WWOX: variants seen among roughly 807,000 people sequenced by gnomAD.
WWOX encodes WW domain containing oxidoreductase.
A neutral mutation model predicts 46.2 loss-of-function variants in WWOX; 69 were observed. The ratio of observed to expected loss-of-function variants is 1.49; its 90% CI spans 1.23 to 1.82. The LOEUF is 1.82. Among genes scored for constraint, WWOX ranks in the 40% most tolerant of loss-of-function variants. The pLI is 0.00. For missense variants in WWOX, 919 were observed against 542.6 expected (o/e 1.69, Z -6.89); for synonymous variants, 359 against 202.6 (o/e 1.77, Z -6.56).
At chr16:78,566,865 G>C (rs2044581571) in intron 8 of WWOX, among the ~76,000 whole-genome samples, 1 of 152,168 alleles carries the variant, frequency 6.6e-6, no homozygotes, top group East Asian at 1.9e-4. Flanking sequence ...TCAGTTCAGA[G>C]TTGAAAGAAT....
intron 8 of WWOX, among the ~76,000 whole-genome samples, chr16:78,921,427 G>A (rs1413846738): frequency 6.6e-6 from 1 of 152,206 alleles, no homozygotes; most frequent in Non-Finnish European, 1.5e-5. Context: ...ATAGAATCCT[G>A]AAGCATTTGA....
At chr16:78,200,960 A>T (rs968015277) in intron 5 of WWOX, among the ~76,000 whole-genome samples, 3 of 152,156 alleles carry the variant, frequency 2.0e-5, no homozygotes, top group African/African-American at 4.8e-5. Flanking sequence ...AAAGGTAAAC[A>T]TTTACTTCTG....
intron 5 of WWOX, among the ~76,000 whole-genome samples, chr16:78,352,039 G>C (rs2081195799): frequency 6.6e-6 from 1 of 152,140 alleles, no homozygotes; most frequent in Admixed American, 6.5e-5. Context: ...CAGAGCTTTG[G>C]AGTCAGCGAG....
In WWOX at chr16:78,524,846, G is replaced by A. The variant is rs12448491; in HGVS notation, c.1056+92094G>A. On this transcript the variant is annotated intron_variant, in intron 8 of 8. Coordinates refer to ENST00000566780, the MANE Select transcript of WWOX (RefSeq NM_016373.4). Reference sequence around the variant, plus strand: ...TTTTTTTTTTTTTTTTAAAGAATGCGTTGATTTTGTTTTTCTTTCTTTTTT... The same window carrying A: ...TTTTTTTTTTTTTTTTAAAGAATGCATTGATTTTGTTTTTCTTTCTTTTTT... 5.1e-3 allele frequency among the ~76,000 whole-genome samples: 665 copies of A among 130,328 alleles called. 2 individuals are homozygous for A. The highest frequency in any genetic ancestry group is 8.2e-3 in the Non-Finnish European group (498 of 60,580). 85.5% of individuals were successfully genotyped at this position (130,328 alleles called of 152,430 possible). A position where few individuals can be genotyped will look rare whatever the true frequency, so the allele number is the denominator to read the frequency against.
chr16:79,005,538 C>T (rs1364648217), intron 8 of WWOX, among the ~76,000 whole-genome samples: 2 of 152,156 alleles, frequency 1.3e-5, no homozygotes, highest in African/African-American at 2.4e-5. Flanking sequence ...GTCCTCTTTG[C>T]CTCTTCCCGG....
rs1251544255 is a variant in WWOX at position 78,622,418 on chromosome 16, C to T, written c.1056+189666C>T. Among the ~76,000 whole-genome samples the T allele has an allele frequency of 2.6e-5, 4 of 152,120 alleles. No homozygotes were observed. The South Asian group carries it at 6.2e-4, about 24-fold the overall frequency. ...TTAGTCAGGCGTGGTAGTGTACACC[C>T]ATAATCCCAGGTACACAGGAGGCTG... On this transcript the variant is annotated intron_variant, in intron 8 of 8. Coordinates refer to ENST00000566780, the MANE Select transcript of WWOX (RefSeq NM_016373.4).
chr16:78,145,907 A>G (rs985740747), intron 4 of WWOX: 1 of 152,182 alleles, frequency 6.6e-6, no homozygotes, highest in Non-Finnish European at 1.5e-5. Context: ...TTGGGATGGC[A>G]GGGGAGCAGT....
At chr16:78,144,474 T>TATATATATATACAC (rs2034118859) in intron 4 of WWOX, among the ~76,000 whole-genome samples, 2 of 34,472 alleles carry the variant, frequency 5.8e-5, no homozygotes, top group African/African-American at 2.7e-4. Flanking sequence ...CACACATATA[T>TATATATATATACAC]ATATATATAT....
intron 6 of WWOX, among the ~76,000 whole-genome samples, chr16:78,407,419 C>G (rs1460164049): frequency 1.3e-5 from 2 of 152,176 alleles, no homozygotes; most frequent in African/African-American, 4.8e-5. Context: ...TTGAATCCCC[C>G]AAAGCCACAA....
intron 8 of WWOX, among the ~76,000 whole-genome samples, chr16:78,810,176 G>A (rs1041289610): frequency 2.6e-5 from 4 of 152,120 alleles, no homozygotes; most frequent in African/African-American, 7.2e-5. Flanking sequence ...TCAGAGTGAC[G>A]GGTACCCCTT....
chr16:78,425,709 G>A (rs924981907), intron 7 of WWOX, among the ~76,000 whole-genome samples: 5 of 152,180 alleles, frequency 3.3e-5, no homozygotes, highest in Non-Finnish European at 5.9e-5. Context: ...TTTGTCTAGA[G>A]AGAAGTACTC....
chr16:78,109,007 A>G (rs913254997), intron 2 of WWOX, among the ~76,000 whole-genome samples: 1 of 152,158 alleles, frequency 6.6e-6, no homozygotes, highest in African/African-American at 2.4e-5. Flanking sequence ...GACAACAACA[A>G]CAACAAAAAC....
At chr16:78,545,509 T>G (rs1389610320) in intron 8 of WWOX, among the ~76,000 whole-genome samples, 2 of 152,230 alleles carry the variant, frequency 1.3e-5, no homozygotes, top group East Asian at 3.9e-4. Flanking sequence ...CCTGCAACCA[T>G]GTCTGGCTTA....
chr16:78,105,666 G>A (rs1163055886), intron 1 of WWOX, among the ~76,000 whole-genome samples: 1 of 152,156 alleles, frequency 6.6e-6, no homozygotes, highest in Non-Finnish European at 1.5e-5. Flanking sequence ...TTACATTTGT[G>A]CGCCTGCTGT....
At chr16:78,809,849 C>T (rs755259565) in intron 8 of WWOX, among the ~76,000 whole-genome samples, 3 of 152,080 alleles carry the variant, frequency 2.0e-5, no homozygotes, top group Non-Finnish European at 4.4e-5. Flanking sequence ...GGATGATGAC[C>T]CTCTATGGCA....
intron 8 of WWOX, among the ~76,000 whole-genome samples, chr16:79,035,546 A>T (rs1279670547): frequency 6.6e-6 from 1 of 151,888 alleles, no homozygotes; most frequent in East Asian, 1.9e-4. Context: ...TTATTTATTT[A>T]TTAATTTTTT....
At chr16:78,164,892 G>T (rs74905026) in intron 5 of WWOX, among the ~76,000 whole-genome samples, 1 of 152,204 alleles carries the variant, frequency 6.6e-6, no homozygotes, top group African/African-American at 2.4e-5. Flanking sequence ...GAATGATAGC[G>T]TGAGTGTGAT....
chr16:79,165,685 C>T (rs1422333549), intron 8 of WWOX, among the ~76,000 whole-genome samples: 2 of 152,110 alleles, frequency 1.3e-5, no homozygotes, highest in African/African-American at 4.8e-5. Flanking sequence ...CACACAAACC[C>T]AGTCCATGAT....
At chr16:78,927,420 T>C (rs2045524021) in intron 8 of WWOX, among the ~76,000 whole-genome samples, 1 of 152,230 alleles carries the variant, frequency 6.6e-6, no homozygotes, top group Admixed American at 6.5e-5. Flanking sequence ...TATTACCATG[T>C]GTCTGTCTAC....
Sources: gnomAD v4.1 joint callset for allele counts (sites outside exome capture counted in the v4.1 genomes callset) on GRCh38, gnomAD v4.1.1 for gene constraint, MANE v1.5 for transcripts, NCBI Gene and HGNC (gene_info 2026-07-23, HGNC 2026-07-21) for gene names.